Variants in AKR1D1 observed in about 807,000 individuals in gnomAD.
AKR1D1 encodes delta(4)-3-ketosteroid 5-beta-reductase.
A neutral mutation model predicts 42.6 loss-of-function variants in AKR1D1; 32 were observed. That is an observed-to-expected ratio of 0.75 (90% CI 0.57 to 1.01). The LOEUF (loss-of-function observed/expected upper bound fraction) is 1.01, where lower values mean the gene tolerates loss of function less well. Ranked by LOEUF, AKR1D1 falls within the 50% of genes least tolerant of loss-of-function variation. The pLI is 0.00. For missense variants in AKR1D1, 364 were observed against 402.2 expected (o/e 0.91, Z 0.81); for synonymous variants, 123 against 135.5 (o/e 0.91, Z 0.64).
intron 7 of AKR1D1, among the ~76,000 whole-genome samples, chr7:138,111,277 C>T (rs1794531108): frequency 6.6e-6 from 1 of 152,198 alleles, no homozygotes; most frequent in South Asian, 2.1e-4. Flanking sequence ...ACTTTCCTCT[C>T]CAAGTATTAT....
chr7:138,091,358 C>G, intron 2 of AKR1D1: 1 of 255,988 alleles, frequency 3.9e-6, no homozygotes, highest in Non-Finnish European at 7.7e-6. Flanking sequence ...ACGGCTTTCC[C>G]TGATGAAGGA....
chr7:138,091,679 G>A (rs1794081331), intron 2 of AKR1D1, 89 bp from the exon 3 acceptor site: 4 of 961,850 alleles, frequency 4.2e-6, no homozygotes, highest in African/African-American at 1.7e-5. Flanking sequence ...AAAAAAAAAT[G>A]TGTACGAGTG....
intron 1 of AKR1D1, among the ~76,000 whole-genome samples, chr7:138,079,440 A>C (rs1176567518): frequency 2.0e-5 from 3 of 152,166 alleles, no homozygotes; most frequent in African/African-American, 7.2e-5. Context: ...TTCTACAAGA[A>C]AAAAGAAAAA....
At chr7:138,105,254 A>G in intron 4 of AKR1D1, 53 bp from the exon 5 acceptor site, 1 of 1,613,562 alleles carries the variant, frequency 6.2e-7, no homozygotes, top group Middle Eastern at 1.6e-4. Context: ...ATAAACATTC[A>G]TTCTTGCTTC....
At chr7:138,083,731 A>C (rs1180306430) in intron 1 of AKR1D1, among the ~76,000 whole-genome samples, 1 of 152,280 alleles carries the variant, frequency 6.6e-6, no homozygotes, top group Admixed American at 6.5e-5. Flanking sequence ...GGTCTTAAAA[A>C]TCTTTAATCC....
rs780692011 is a variant in AKR1D1 at position 138,076,581 on chromosome 7, C to T, written c.63C>T (p.Ile21=). ...PLSDGNSIPI[I]GLGTYSEPKS... is the part of the protein sequence containing the mutation. ...GTGATGGAAACAGCATTCCCATCAT[C>T]GGACTTGGTACCTACTCAGAACCTA... Residue 21 remains isoleucine (I), a synonymous_variant, in exon 1 of 9, where the codon ATC becomes ATT. Transcript: ENST00000242375. 9.9e-6 allele frequency: 16 copies of T among 1,613,308 alleles called. No individual in the cohort carries two copies. Among genetic ancestry groups the T allele is most frequent in the Admixed American group, 3.3e-5 (2 of 59,930 alleles).
rs2306845 is a variant in AKR1D1, at chr7:138,105,191, G to T, written c.457-116G>T. ...CTTCTTTTACTTTTTTTCGCAAGAT[G>T]CTTATTAACATACCCAGGAACTTTC... On this transcript the variant is annotated intron_variant, in intron 4 of 8. Transcript: ENST00000242375. The T allele has an allele frequency of 0.047, 66,778 of 1,434,544 alleles. 3,451 individuals carry two copies. The highest frequency in any genetic ancestry group is 0.25 in the East Asian group (11,007 of 43,706). The allele number at this position is 1,434,544 out of a possible 1,614,324, so 88.9% of individuals were successfully genotyped here.
chr7:138,117,088 T>TTTTTA lies in AKR1D1; in HGVS notation c.*426_*427insTTTTA. 3.0e-5 allele frequency: 5 copies of TTTTTA among 167,710 alleles called. No individual in the cohort carries two copies. The highest frequency in any genetic ancestry group is 5.8e-5 in the Admixed American group (1 of 17,376). The allele number at this position is 167,710 out of a possible 1,614,324, so 10.4% of individuals were successfully genotyped here. A position where few individuals can be genotyped will look rare whatever the true frequency, so the allele number is the denominator to read the frequency against. ...GGCCTTGAGGCTTTGGACCATTGGT[T>TTTTTA]ACAAAACAGACACAGCCAAGATAAG... On this transcript the variant is annotated 3_prime_UTR_variant, in exon 9 of 9. Transcript: ENST00000242375.
intron 1 of AKR1D1, among the ~76,000 whole-genome samples, chr7:138,085,309 G>A (rs1248533748): frequency 6.6e-6 from 1 of 151,998 alleles, no homozygotes; most frequent in Non-Finnish European, 1.5e-5. Context: ...AATAATTGAA[G>A]ATTTTCACTA....
chr7:138,100,003 A>G (rs991867971), intron 4 of AKR1D1, among the ~76,000 whole-genome samples: 3 of 143,452 alleles, frequency 2.1e-5, no homozygotes, highest in Non-Finnish European at 4.5e-5. Context: ...ACTTGAGGCC[A>G]AGAGTTCAAG....
chr7:138,086,131 A>G (rs1036161927), intron 1 of AKR1D1, among the ~76,000 whole-genome samples: 1 of 152,100 alleles, frequency 6.6e-6, no homozygotes, highest in Non-Finnish European at 1.5e-5. Context: ...TGAATCTGGG[A>G]AGCCGAGGCT....
At chr7:138,109,441 A>C (rs1295125306) in intron 7 of AKR1D1, among the ~76,000 whole-genome samples, 6 of 152,182 alleles carry the variant, frequency 3.9e-5, no homozygotes, top group Non-Finnish European at 8.8e-5. Flanking sequence ...TACTCAGTGA[A>C]GAGTGAAGAT....
At chr7:138,114,757 T>G (rs1794604100) in intron 8 of AKR1D1, among the ~76,000 whole-genome samples, 2 of 152,028 alleles carry the variant, frequency 1.3e-5, no homozygotes, top group Non-Finnish European at 2.9e-5. Flanking sequence ...ACACATGCAT[T>G]TTTTTCTTCT....
chr7:138,093,971 G>GTC (rs1794136872), intron 3 of AKR1D1, among the ~76,000 whole-genome samples: 1 of 152,112 alleles, frequency 6.6e-6, no homozygotes, highest in Admixed American at 6.5e-5. Flanking sequence ...TGCAGCACAT[G>GTC]ACTCTACTTA....
At chr7:138,115,977 C>T (rs998665025) in intron 8 of AKR1D1, among the ~76,000 whole-genome samples, 1 of 152,100 alleles carries the variant, frequency 6.6e-6, no homozygotes, top group Admixed American at 6.5e-5. Context: ...CCTATAGTCC[C>T]AGCACTTTGG....
intron 6 of AKR1D1, 127 bp downstream of exon 6, chr7:138,106,844 A>C (rs774548161): frequency 4.1e-5 from 31 of 748,644 alleles, no homozygotes; most frequent in Non-Finnish European, 4.7e-5. Flanking sequence ...TGTATATATG[A>C]ATTAGAACTT....
intron 4 of AKR1D1, among the ~76,000 whole-genome samples, chr7:138,099,349 C>T (rs28587485): frequency 0.017 from 2,518 of 152,298 alleles, 74 homozygotes; most frequent in African/African-American, 0.057. Flanking sequence ...GAAGACAATA[C>T]ATCTCAATTA....
In AKR1D1 at chr7:138,105,290, G is replaced by A. The variant is rs1459067453; in HGVS notation, c.457-17G>A. 3 of 1,613,982 alleles carry A rather than the reference G, an allele frequency of 1.9e-6. No homozygotes were observed. The highest frequency in any genetic ancestry group is 2.5e-6 in the Non-Finnish European group (3 of 1,179,970). On this transcript the variant is annotated splice_polypyrimidine_tract_variant and intron_variant, in intron 4 of 8. Transcript: ENST00000242375. Reference sequence around the variant, plus strand: ...TTGTGAGGCTTGTTTGTTGACCTGTGGACATTTACTCTACAGGCGATGGAA... The same window carrying A: ...TTGTGAGGCTTGTTTGTTGACCTGTAGACATTTACTCTACAGGCGATGGAA...
chr7:138,085,054 C>CAAAAAAA (rs58253168), intron 1 of AKR1D1, among the ~76,000 whole-genome samples: 10 of 70,820 alleles, frequency 1.4e-4, no homozygotes, highest in African/African-American at 3.1e-4. Flanking sequence ...GACTCCGTCT[C>CAAAAAAA]AAAAAAAAAA....
Sources: allele counts gnomAD v4.1 joint callset (sites outside exome capture counted in the v4.1 genomes callset), GRCh38; gene constraint gnomAD v4.1.1; transcripts MANE v1.5; gene names NCBI Gene and HGNC (gene_info 2026-07-23, HGNC 2026-07-21).